Variants in NFIB observed in about 807,000 individuals in gnomAD.
NFIB encodes nuclear factor I B.
Under a neutral mutation model 61.5 loss-of-function variants are expected in NFIB, and 11 were observed. That is an observed-to-expected ratio of 0.18 (90% CI 0.11 to 0.30). The LOEUF (loss-of-function observed/expected upper bound fraction) is 0.30, where lower values mean the gene tolerates loss of function less well. Ranked by LOEUF, NFIB falls within the 10% of genes least tolerant of loss-of-function variation. NFIB has a pLI of 1.00. For missense variants in NFIB, 471 were observed against 608.9 expected, an observed-to-expected ratio of 0.77 and a Z score of 2.38; for synonymous variants, 260 against 216.5, an observed-to-expected ratio of 1.20 and a Z score of -1.76.
chr9:14,153,912 A>C (rs1384222680), intron 4 of NFIB, among the ~76,000 whole-genome samples: 4 of 152,164 alleles, frequency 2.6e-5, no homozygotes, highest in Non-Finnish European at 5.9e-5. Context: ...ACCTATTTAC[A>C]TATGGAGGAG....
intron 1 of NFIB, among the ~76,000 whole-genome samples, chr9:14,312,095 T>A (rs2060307378): frequency 6.6e-6 from 1 of 152,224 alleles, no homozygotes; most frequent in South Asian, 2.1e-4. Flanking sequence ...AATAGCCATA[T>A]CTAAGTTAAT....
At chr9:14,386,896 A>C (rs1472009472) in intron 1 of NFIB, among the ~76,000 whole-genome samples, 1 of 152,228 alleles carries the variant, frequency 6.6e-6, no homozygotes, top group African/African-American at 2.4e-5. Flanking sequence ...ATATGTTTAG[A>C]AAATGCTCAT....
intron 2 of NFIB, among the ~76,000 whole-genome samples, chr9:14,256,025 C>T (rs1414860590): frequency 6.6e-6 from 1 of 152,188 alleles, no homozygotes; most frequent in East Asian, 1.9e-4. Flanking sequence ...CTTAATTCTC[C>T]CTCATGTGCA....
rs939859194 is a variant in NFIB at position 14,226,329 on chromosome 9, C to A, written c.563-46549G>T. The stretch of plus-strand genomic sequence containing the variant: ...TTGGGAGGCTGAAGCAGGAGTATCA[C>A]TTGAGTCCAGGACTTTGAGACCAGC... On this transcript the variant is annotated intron_variant, in intron 2 of 10. Coordinates refer to ENST00000380953, the MANE Select transcript of NFIB (RefSeq NM_001190737.2). 2.6e-5 allele frequency among the ~76,000 whole-genome samples: 4 copies of A among 152,064 alleles called. No individual in the cohort carries two copies. In the East Asian group the frequency reaches 7.7e-4, roughly 29 times the overall value.
At chr9:14,451,344 T>C in the NFIB span, among the ~76,000 whole-genome samples, 1 of 152,274 alleles carries the variant, frequency 6.6e-6, no homozygotes, top group Non-Finnish European at 1.5e-5. Context: ...TTTGAAATTT[T>C]ATTGTGAAGC....
chr9:14,245,190 T>A (rs1662759575), intron 2 of NFIB, among the ~76,000 whole-genome samples: 1 of 152,168 alleles, frequency 6.6e-6, no homozygotes, highest in South Asian at 2.1e-4. Flanking sequence ...CCAAACTCAG[T>A]GGTTCTTCCA....
intron 1 of NFIB, chr9:14,347,247 G>A (rs2061036965): frequency 6.6e-6 from 1 of 152,272 alleles, no homozygotes; most frequent in South Asian, 2.1e-4. Context: ...TGGGGGAGGA[G>A]GGGGCGGGAA....
chr9:14,301,239 C>T (rs1020732994), intron 2 of NFIB, among the ~76,000 whole-genome samples: 2 of 152,140 alleles, frequency 1.3e-5, no homozygotes, highest in Non-Finnish European at 2.9e-5. Flanking sequence ...GAGACCTGAC[C>T]GTCACTCCTG....
intron 6 of NFIB, among the ~76,000 whole-genome samples, chr9:14,143,773 G>C (rs2041996894): frequency 6.6e-6 from 1 of 152,120 alleles, no homozygotes; most frequent in Non-Finnish European, 1.5e-5. Context: ...TGTGTCTAAA[G>C]AACATTAGAA....
intron 2 of NFIB, among the ~76,000 whole-genome samples, chr9:14,215,099 A>C (rs2050715070): frequency 6.6e-6 from 1 of 152,234 alleles, no homozygotes; most frequent in South Asian, 2.1e-4. Flanking sequence ...CAAAGTAAAT[A>C]GCTCAGTAAA....
At chr9:14,220,028 TC>T (rs1266910646) in intron 2 of NFIB, among the ~76,000 whole-genome samples, 1 of 152,152 alleles carries the variant, frequency 6.6e-6, no homozygotes, top group African/African-American at 2.4e-5. Flanking sequence ...CAGGCCCTCG[TC>T]CCTGGTAAAC....
intron 2 of NFIB, among the ~76,000 whole-genome samples, chr9:14,196,272 G>C (rs1004831850): frequency 3.9e-5 from 6 of 152,030 alleles, no homozygotes; most frequent in Non-Finnish European, 8.8e-5. Context: ...AGCTTCACTC[G>C]CTTGGGTTAA....
the NFIB span, among the ~76,000 whole-genome samples, chr9:14,511,291 T>A: frequency 1.3e-5 from 2 of 152,084 alleles, no homozygotes; most frequent in Non-Finnish European, 2.9e-5. Context: ...CTTCTTTAAA[T>A]TTTTCCCATA....
intron 2 of NFIB, among the ~76,000 whole-genome samples, chr9:14,276,251 TGTTG>T (rs1270039359): frequency 6.6e-6 from 1 of 152,240 alleles, no homozygotes; most frequent in Admixed American, 6.5e-5. Context: ...CTAGACTATC[TGTTG>T]GGGTAGTTGC....
intron 10 of NFIB, among the ~76,000 whole-genome samples, chr9:14,109,506 G>A (rs976695680): frequency 4.0e-5 from 6 of 151,862 alleles, no homozygotes; most frequent in Admixed American, 1.3e-4. Flanking sequence ...GGACCCATGA[G>A]TTCTTCAAGC....
At chr9:14,478,693 G>C in the NFIB span, among the ~76,000 whole-genome samples, 1 of 152,102 alleles carries the variant, frequency 6.6e-6, no homozygotes, top group Non-Finnish European at 1.5e-5. Flanking sequence ...TTACTCCATA[G>C]TGTATTATAT....
At chr9:14,407,316 G>C in the NFIB span, among the ~76,000 whole-genome samples, 5 of 152,090 alleles carry the variant, frequency 3.3e-5, no homozygotes, top group African/African-American at 1.2e-4. Context: ...GTCCATAATA[G>C]AATCAAATAT....
chr9:14,425,874 T>C, the NFIB span, among the ~76,000 whole-genome samples: 2 of 152,166 alleles, frequency 1.3e-5, no homozygotes, highest in Admixed American at 1.3e-4. Context: ...ACACTTAGGC[T>C]CTGCACCTCA....
chr9:14,454,976 C>A, the NFIB span, among the ~76,000 whole-genome samples: 1,243 of 152,270 alleles, frequency 8.2e-3, 17 homozygotes, highest in African/African-American at 0.028. Context: ...AGAATCAAAG[C>A]TGAGTGGGAA....
Sources: allele counts gnomAD v4.1 joint callset (sites outside exome capture counted in the v4.1 genomes callset), GRCh38; gene constraint gnomAD v4.1.1; transcripts MANE v1.5; gene names NCBI Gene and HGNC (gene_info 2026-07-23, HGNC 2026-07-21).